The following ADGRL3 variants were observed in gnomAD, a reference collection of about 807,000 sequenced individuals.
ADGRL3 encodes calcium-independent alpha-latrotoxin receptor 3.
Under a neutral mutation model 153.5 loss-of-function variants are expected in ADGRL3, and 62 were observed. The ratio of observed to expected loss-of-function variants is 0.40; its 90% confidence interval spans 0.33 to 0.50. The LOEUF (loss-of-function observed/expected upper bound fraction) is 0.50, where lower values mean the gene tolerates loss of function less well. Ranked by LOEUF, ADGRL3 falls within the 20% of genes least tolerant of loss-of-function variation. The probability of loss-of-function intolerance (pLI) is 0.47; values close to 1 mark genes in which losing one functional copy is unlikely to be tolerated. For missense variants in ADGRL3, 1,641 were observed against 1,859.4 expected, an observed-to-expected ratio of 0.88 and a Z score of 2.16; for synonymous variants, 710 against 672.5, an observed-to-expected ratio of 1.06 and a Z score of -0.86.
chr4:61,989,303 G>A (rs1317716962), intron 19 of ADGRL3, among the ~76,000 whole-genome samples: 1 of 152,016 alleles, frequency 6.6e-6, no homozygotes, highest in Non-Finnish European at 1.5e-5. Flanking sequence ...ATTTTGCTAA[G>A]CAATTATTAT....
intron 8 of ADGRL3, among the ~76,000 whole-genome samples, chr4:61,773,662 A>C (rs2152320272): frequency 6.6e-6 from 1 of 152,302 alleles, no homozygotes. Flanking sequence ...AAGGAAAAAA[A>C]CCCTTTTTCC....
At chr4:61,562,391 A>G (rs772779862) in intron 4 of ADGRL3, among the ~76,000 whole-genome samples, 2 of 152,180 alleles carry the variant, frequency 1.3e-5, no homozygotes, top group Non-Finnish European at 2.9e-5. Context: ...CTTTCACACA[A>G]TATTTCTTTG....
At chr4:62,042,887 C>G (rs1729118868) in intron 24 of ADGRL3, among the ~76,000 whole-genome samples, 1 of 152,096 alleles carries the variant, frequency 6.6e-6, no homozygotes, top group African/African-American at 2.4e-5. Context: ...CCTTTGAACC[C>G]CTCTCAATCA....
intron 2 of ADGRL3, among the ~76,000 whole-genome samples, chr4:61,439,195 G>T (rs2097497072): frequency 6.6e-6 from 1 of 152,256 alleles, no homozygotes; most frequent in Non-Finnish European, 1.5e-5. Context: ...AGGCTTCTCT[G>T]TACTTATAAA....
chr4:61,506,997 T>C (rs1206505341), intron 3 of ADGRL3, among the ~76,000 whole-genome samples: 1 of 152,178 alleles, frequency 6.6e-6, no homozygotes, highest in Non-Finnish European at 1.5e-5. Context: ...TCATTACTGA[T>C]TCTCTCCAAG....
intron 20 of ADGRL3, among the ~76,000 whole-genome samples, chr4:61,997,677 G>A (rs1002739236): frequency 3.3e-5 from 5 of 151,770 alleles, no homozygotes; most frequent in African/African-American, 9.7e-5. Flanking sequence ...CTTTACTTTA[G>A]TCCTCATTTA....
At chr4:62,057,557 T>A (rs997350917) in intron 25 of ADGRL3, among the ~76,000 whole-genome samples, 3 of 152,192 alleles carry the variant, frequency 2.0e-5, no homozygotes, top group Non-Finnish European at 4.4e-5. Context: ...TCTCCAATTT[T>A]TTCAATATGG....
chr4:61,443,115 T>G (rs2097544589), intron 2 of ADGRL3, among the ~76,000 whole-genome samples: 1 of 152,150 alleles, frequency 6.6e-6, no homozygotes, highest in African/African-American at 2.4e-5. Context: ...ATTCAGTGAG[T>G]TTTATATCAA....
chr4:61,841,454 T>G (rs1279309883), intron 9 of ADGRL3, among the ~76,000 whole-genome samples: 1 of 152,172 alleles, frequency 6.6e-6, no homozygotes, highest in African/African-American at 2.4e-5. Context: ...TTCACACCAT[T>G]TCATCAACCG....
intron 4 of ADGRL3, among the ~76,000 whole-genome samples, chr4:61,546,365 A>C (rs2098713991): frequency 6.6e-6 from 1 of 152,176 alleles, no homozygotes; most frequent in Non-Finnish European, 1.5e-5. Context: ...CCTGTTGTTA[A>C]ATTTTCAGGA....
At chr4:61,439,567 C>T (rs559399222) in intron 2 of ADGRL3, among the ~76,000 whole-genome samples, 2 of 152,140 alleles carry the variant, frequency 1.3e-5, no homozygotes, top group Non-Finnish European at 2.9e-5. Context: ...AACCCGTCAC[C>T]TATATTAGGT....
intron 17 of ADGRL3, among the ~76,000 whole-genome samples, 174 bp downstream of exon 17, chr4:61,948,450 G>A (rs1464363574): frequency 4.6e-5 from 7 of 152,094 alleles, no homozygotes; most frequent in Non-Finnish European, 8.8e-5. Context: ...CAAAGAACTT[G>A]TTATCTCTTT....
At chr4:61,313,148 C>G (rs1044231809) in intron 1 of ADGRL3, among the ~76,000 whole-genome samples, 4 of 152,114 alleles carry the variant, frequency 2.6e-5, no homozygotes, top group African/African-American at 7.2e-5. Context: ...AAACCCCAGT[C>G]TGATTCCATA....
intron 1 of ADGRL3, among the ~76,000 whole-genome samples, chr4:61,304,661 G>A (rs1423713311): frequency 1.3e-5 from 2 of 152,052 alleles, no homozygotes; most frequent in Admixed American, 6.6e-5. Context: ...TGTATTGTGT[G>A]TTTTTGTGGT....
In ADGRL3 at chr4:61,402,237, C is replaced by CTG. The variant is rs561367506; in HGVS notation, c.-174+19050_-174+19051dup. ...GCTAAAGCCTCGTCTATTGGATGTCCTGTTTTGTACAGGAAGGGGTTGTTT... is the reference window on the plus strand; with the variant it reads ...GCTAAAGCCTCGTCTATTGGATGTCCTGTGTTTTGTACAGGAAGGGGTTGTTT... On this transcript the variant is annotated intron_variant, in intron 2 of 26. Coordinates refer to ENST00000683033, the MANE Select transcript of ADGRL3 (RefSeq NM_001387552.1). Among the ~76,000 whole-genome samples the CTG allele has an allele frequency of 1.8e-3, 273 of 152,132 alleles. 2 individuals carry two copies. Among genetic ancestry groups the CTG allele is most frequent in the African/African-American group, 6.4e-3 (264 of 41,540 alleles).
In ADGRL3 at chr4:61,922,990, C is replaced by T. The variant is rs551130779; in HGVS notation, c.2112+10233C>T. 8.3e-4 allele frequency among the ~76,000 whole-genome samples: 126 copies of T among 152,256 alleles called. 1 individual carries two copies. The highest frequency in any genetic ancestry group is 3.0e-3 in the African/African-American group (124 of 41,544). ...CTTCGTGCGGATCAGGGAAGACTTT[C>T]TAAGGAAGTGATAGGCAATTCAGCA... is the stretch of plus-strand genomic sequence containing the variant. On this transcript the variant is annotated intron_variant, in intron 13 of 26. Coordinates refer to ENST00000683033, the MANE Select transcript of ADGRL3 (RefSeq NM_001387552.1).
At chr4:61,761,250 T>C (rs1314075177) in intron 8 of ADGRL3, among the ~76,000 whole-genome samples, 1 of 152,186 alleles carries the variant, frequency 6.6e-6, no homozygotes. Flanking sequence ...ACAAAGGCAA[T>C]CTAGTCTCCA....
intron 1 of ADGRL3, among the ~76,000 whole-genome samples, chr4:61,232,694 G>T (rs1222525639): frequency 2.0e-5 from 3 of 152,046 alleles, no homozygotes; most frequent in Non-Finnish European, 4.4e-5. Context: ...ATTGTCGCAG[G>T]ATTGTTACAA....
At chr4:61,853,723 A>G (rs990086541) in intron 9 of ADGRL3, among the ~76,000 whole-genome samples, 8 of 152,164 alleles carry the variant, frequency 5.3e-5, no homozygotes, top group African/African-American at 1.9e-4. Context: ...CATGATTTGC[A>G]TTCCTGAAGT....
Sources: gnomAD v4.1 joint callset for allele counts (sites outside exome capture counted in the v4.1 genomes callset) on GRCh38, gnomAD v4.1.1 for gene constraint, MANE v1.5 for transcripts, NCBI Gene and HGNC (gene_info 2026-07-23, HGNC 2026-07-21) for gene names.